Variants in KCNIP1 observed in about 807,000 individuals in gnomAD.
KCNIP1 encodes the protein A-type potassium channel modulatory protein KCNIP1.
A neutral mutation model predicts 33.0 loss-of-function variants in KCNIP1; 18 were observed. That is an observed-to-expected ratio of 0.55 (90% CI 0.38 to 0.81). The LOEUF (loss-of-function observed/expected upper bound fraction) is 0.81. KCNIP1 is among the 30% of genes least tolerant of loss of function. KCNIP1 has a pLI of 0.00. For missense variants in KCNIP1, 238 were observed against 271.6 expected (o/e 0.88, Z 0.87); for synonymous variants, 93 against 98.3 (o/e 0.95, Z 0.32).
intron 1 of KCNIP1, among the ~76,000 whole-genome samples, chr5:170,579,799 G>A (rs1757727153): frequency 6.6e-6 from 1 of 152,070 alleles, no homozygotes; most frequent in South Asian, 2.1e-4. Context: ...GCTTAGAGGG[G>A]CTCACAAGAA....
intron 1 of KCNIP1, among the ~76,000 whole-genome samples, chr5:170,567,082 T>C (rs924015253): frequency 2.6e-5 from 4 of 152,204 alleles, no homozygotes. Flanking sequence ...AGTCAGGGCC[T>C]GAAGTGCAGG....
chr5:170,397,122 G>A (rs1014284160), intron 1 of KCNIP1, among the ~76,000 whole-genome samples: 1 of 152,182 alleles, frequency 6.6e-6, no homozygotes, highest in African/African-American at 2.4e-5. Flanking sequence ...CCAAAGGGAG[G>A]AAGGTATTTT....
intron 1 of KCNIP1, chr5:170,378,839 T>G: frequency 6.2e-7 from 1 of 1,614,206 alleles, no homozygotes. Flanking sequence ...GGCGCTGGAA[T>G]AGGACGCTGG....
intron 1 of KCNIP1, chr5:170,681,068 G>T: frequency 2.5e-6 from 1 of 399,694 alleles, no homozygotes; most frequent in Non-Finnish European, 4.4e-6. Context: ...GTGCTGTGAG[G>T]ATGTGGGCAG....
intron 1 of KCNIP1, among the ~76,000 whole-genome samples, chr5:170,601,319 C>T (rs1203156243): frequency 2.6e-5 from 4 of 152,152 alleles, no homozygotes; most frequent in Admixed American, 2.6e-4. Context: ...AGCAATGGAT[C>T]GGAACCACAG....
At chr5:170,669,588 T>C (rs1415409083) in intron 1 of KCNIP1, 3 of 985,286 alleles carry the variant, frequency 3.0e-6, no homozygotes, top group Non-Finnish European at 3.6e-6. Flanking sequence ...GGAGTGAGTG[T>C]GTGGATACCG....
intron 1 of KCNIP1, among the ~76,000 whole-genome samples, chr5:170,471,739 C>A (rs1008937521): frequency 2.0e-5 from 3 of 152,116 alleles, no homozygotes; most frequent in African/African-American, 4.8e-5. Flanking sequence ...CACCCTGGGG[C>A]CTCTCTCTCT....
chr5:170,435,165 C>G (rs1043759444), intron 1 of KCNIP1, among the ~76,000 whole-genome samples: 1 of 152,208 alleles, frequency 6.6e-6, no homozygotes, highest in Non-Finnish European at 1.5e-5. Context: ...GCCAGTACCA[C>G]CTGGTGCCCA....
At chr5:170,516,855 A>G (rs1425662169) in intron 1 of KCNIP1, among the ~76,000 whole-genome samples, 1 of 152,220 alleles carries the variant, frequency 6.6e-6, no homozygotes, top group African/African-American at 2.4e-5. Flanking sequence ...GTGAGATAAT[A>G]TGAATGTGTT....
intron 1 of KCNIP1, among the ~76,000 whole-genome samples, chr5:170,708,737 A>G (rs1386509221): frequency 6.6e-6 from 1 of 152,128 alleles, no homozygotes; most frequent in East Asian, 1.9e-4. Flanking sequence ...CTCCACAAAA[A>G]AGTACAAAAA....
chr5:170,503,955 G>GC, upstream of KCNIP1: 1 of 464,638 alleles, frequency 2.2e-6, no homozygotes, highest in Non-Finnish European at 2.8e-6. Flanking sequence ...TGCAGCCCTC[G>GC]CCCCCGCCCC....
chr5:170,435,989 C>T (rs1755853797), intron 1 of KCNIP1, among the ~76,000 whole-genome samples: 1 of 152,152 alleles, frequency 6.6e-6, no homozygotes, highest in Non-Finnish European at 1.5e-5. Context: ...ACATTCCTGC[C>T]CACCATGCCC....
At chr5:170,383,932 T>A in intron 1 of KCNIP1, 3 of 1,457,626 alleles carry the variant, frequency 2.1e-6, no homozygotes, top group Non-Finnish European at 2.8e-6. Flanking sequence ...CATTATCCCC[T>A]GGGAGCCTCT....
Position 170,551,618 on chromosome 5 carries a change from C to CTG in KCNIP1, c.61+47002_61+47003dup, listed in dbSNP as rs149174124. 8.9e-4 allele frequency among the ~76,000 whole-genome samples: 133 copies of CTG among 150,076 alleles called. 1 individual carries two copies. The highest frequency in any genetic ancestry group is 2.0e-3 in the African/African-American group (83 of 41,110). On this transcript the variant is annotated intron_variant, in intron 1 of 7. Transcript: ENST00000328939. ...GTAGCATTTGTTCTTGCCAAGGTAG[C>CTG]TGTGTGTGTGTGTGTGTGCATGTGT...
intron 1 of KCNIP1, chr5:170,385,404 C>T (rs139017403): frequency 2.8e-5 from 45 of 1,613,952 alleles, no homozygotes; most frequent in Non-Finnish European, 3.6e-5. Context: ...GCAAAGGGCT[C>T]GTGTCTCTCC....
At chr5:170,665,156 G>A (rs1761656510) in intron 1 of KCNIP1, among the ~76,000 whole-genome samples, 1 of 152,080 alleles carries the variant, frequency 6.6e-6, no homozygotes. Flanking sequence ...TCATTAATGG[G>A]GCAATTGATT....
chr5:170,498,818 A>G (rs1415927362), intron 1 of KCNIP1, among the ~76,000 whole-genome samples: 1 of 152,110 alleles, frequency 6.6e-6, no homozygotes, highest in East Asian at 1.9e-4. Flanking sequence ...TCTCACAACA[A>G]TCCCCTGACA....
chr5:170,598,701 T>G (rs944764409), intron 1 of KCNIP1, among the ~76,000 whole-genome samples: 1 of 152,066 alleles, frequency 6.6e-6, no homozygotes, highest in African/African-American at 2.4e-5. Flanking sequence ...ACAAGTTATC[T>G]TCTCACTTCA....
At chr5:170,661,194 G>A (rs1034859658) in intron 1 of KCNIP1, among the ~76,000 whole-genome samples, 6 of 152,214 alleles carry the variant, frequency 3.9e-5, no homozygotes, top group African/African-American at 1.2e-4. Context: ...GAGGCTGGGT[G>A]AGGCTTGAGT....
Sources: allele counts gnomAD v4.1 joint callset (sites outside exome capture counted in the v4.1 genomes callset), GRCh38; gene constraint gnomAD v4.1.1; transcripts MANE v1.5; gene names NCBI Gene and HGNC (gene_info 2026-07-23, HGNC 2026-07-21).